The following MEGF6 variants were observed in gnomAD, a reference collection of about 807,000 sequenced individuals.
The protein encoded by MEGF6 is multiple EGF like domains 6, also known as multiple epidermal growth factor-like domains protein 6.
In MEGF6, 184 loss-of-function variants were observed where a neutral mutation model predicts 207.1. The ratio of observed to expected loss-of-function variants is 0.89; its 90% CI spans 0.79 to 1.00. The LOEUF is 1.00. Ranked by LOEUF, MEGF6 falls within the 50% of genes least tolerant of loss-of-function variation. The probability of loss-of-function intolerance (pLI) is 0.00; values close to 1 mark genes in which losing one functional copy is unlikely to be tolerated. For missense variants in MEGF6, 2,282 were observed against 2,202.9 expected, an observed-to-expected ratio of 1.04 and a Z score of -0.72; for synonymous variants, 1,038 against 910.0, an observed-to-expected ratio of 1.14 and a Z score of -2.53.
rs563080603 is a variant in MEGF6, at chr1:3,506,176, C to G, written c.1850G>C (p.Gly617Ala). The change falls in exon 15 of 37, where the codon GGC (glycine) becomes GCC (alanine). Residue 617 changes from glycine to alanine, a missense_variant. Physicochemically the swap from Gly to Ala is moderately conservative, Grantham distance 60 (BLOSUM62 0). Coordinates refer to ENST00000356575, the MANE Select transcript of MEGF6 (RefSeq NM_001409.4). ...GGCCCCGTAGAGGCGGTGGCACCGG[C>G]CCCGGTTGGCACAGTTGCATTTCTT... is the stretch of plus-strand genomic sequence containing the variant. Reference protein sequence around the residue: ...CRKKCNCANRGRCHRLYGACL... With the variant: ...CRKKCNCANRARCHRLYGACL... The G allele has an allele frequency of 4.4e-6, 7 of 1,597,922 alleles. No individual in the cohort carries two copies. Among genetic ancestry groups the G allele is most frequent in the Non-Finnish European group, 6.0e-6 (7 of 1,171,686 alleles).
chr1:3,515,594 GGCATGGA>G (rs1641514552), intron 5 of MEGF6, 67 bp from the exon 6 acceptor site: 1 of 1,573,008 alleles, frequency 6.4e-7, no homozygotes, highest in African/African-American at 1.3e-5. Context: ...GTCCCTGGCT[GGCATGGA>G]GCAGGGAGTG....
intron 4 of MEGF6, among the ~76,000 whole-genome samples, chr1:3,549,215 A>G (rs1006700706): frequency 6.6e-6 from 1 of 152,158 alleles, no homozygotes; most frequent in African/African-American, 2.4e-5. Context: ...CAAGGGCCGC[A>G]GGAGACCCTT....
rs1479935517 is a variant in MEGF6, at chr1:3,490,318, T to G, written c.*210A>C. The G allele has an allele frequency of 1.7e-6, 1 of 589,240 alleles. No homozygotes were observed. Among genetic ancestry groups the G allele is most frequent in the Non-Finnish European group, 2.9e-6 (1 of 341,136 alleles). The allele number at this position is 589,240 out of a possible 1,614,324, so 36.5% of individuals were successfully genotyped here. On this transcript the variant is annotated 3_prime_UTR_variant, in exon 37 of 37. Transcript: ENST00000356575. ...AGAGCCAGGCCAGGAGGCGCCTCTC[T>G]TCCAGCGGCCATGCGAGGCTTCCCT... is the stretch of plus-strand genomic sequence containing the variant.
chr1:3,624,779 C>G, the MEGF6 span: 5 of 192,964 alleles, frequency 2.6e-5, no homozygotes, highest in Non-Finnish European at 5.2e-5. Flanking sequence ...CGCCCCTTCT[C>G]GTTGTGTAAA....
upstream of MEGF6, among the ~76,000 whole-genome samples, chr1:3,613,467 G>A (rs1015055296): frequency 6.6e-6 from 1 of 152,208 alleles, no homozygotes; most frequent in Non-Finnish European, 1.5e-5. Context: ...TGGGTGGTCA[G>A]CAAGTGTGTG....
intron 4 of MEGF6, among the ~76,000 whole-genome samples, chr1:3,543,689 G>A (rs1055184517): frequency 6.6e-6 from 1 of 152,240 alleles, no homozygotes; most frequent in Non-Finnish European, 1.5e-5. Context: ...GGCTGGCCCC[G>A]GGTCATCCGG....
At chr1:3,543,569 C>A (rs188615050) in intron 4 of MEGF6, among the ~76,000 whole-genome samples, 1 of 152,178 alleles carries the variant, frequency 6.6e-6, no homozygotes, top group Non-Finnish European at 1.5e-5. Flanking sequence ...TGAGAACCCC[C>A]GGGCGGGAGG....
intron 4 of MEGF6, among the ~76,000 whole-genome samples, chr1:3,546,507 G>T (rs1231440947): frequency 6.6e-6 from 1 of 152,244 alleles, no homozygotes; most frequent in African/African-American, 2.4e-5. Context: ...CTGTGGGCCA[G>T]GAAGGAGGGT....
In MEGF6 at chr1:3,498,454, C is replaced by A. The variant is rs1468146408; in HGVS notation, c.3269G>T (p.Gly1090Val). The change falls in exon 26 of 37, where the codon GGT (glycine) becomes GTT (valine). Residue 1090 changes from glycine (G) to valine (V), a missense_variant. Physicochemically the swap from Gly to Val is moderately radical, Grantham distance 109. Transcript: ENST00000356575. ...GTCACACAGGCCCCCGTTGAGGCAACCGCCGCTGTGCCGGCAGCCAGCTCT... is the reference window on the plus strand; with the variant it reads ...GTCACACAGGCCCCCGTTGAGGCAAACGCCGCTGTGCCGGCAGCCAGCTCT... The part of the protein sequence containing the change: ...DVRAGCRHSG[G>V]CLNGGLCDPH... 3 of 1,583,180 alleles carry A rather than the reference C, an allele frequency of 1.9e-6. No individual in the cohort carries two copies. The African/African-American group carries it at 4.0e-5, about 21-fold the overall frequency.
intron 4 of MEGF6, among the ~76,000 whole-genome samples, chr1:3,561,558 A>C (rs1570140996): frequency 6.6e-6 from 1 of 152,300 alleles, no homozygotes; most frequent in South Asian, 2.1e-4. Flanking sequence ...TGCACCCCGC[A>C]GGGACAGAGT....
At position 3,498,480 on chromosome 1, in the gene MEGF6, G is replaced by A. The variant is rs1371706735; in HGVS notation, c.3243C>T (p.Val1081=). Residue 1081 remains valine (V), a synonymous_variant, in exon 26 of 37, where the codon GTC becomes GTT. Coordinates refer to ENST00000356575, the MANE Select transcript of MEGF6 (RefSeq NM_001409.4). ...ACEKECLPRD[V]RAGCRHSGGC... ...CGCCGCTGTGCCGGCAGCCAGCTCTGACGTCCCGGGGGAGGCACTCTACAG... is the reference window on the plus strand; with the variant it reads ...CGCCGCTGTGCCGGCAGCCAGCTCTAACGTCCCGGGGGAGGCACTCTACAG... 6.3e-7 allele frequency: 1 copy of A among 1,580,750 alleles called. No homozygotes were observed. Among genetic ancestry groups the A allele is most frequent in the Non-Finnish European group, 8.6e-7 (1 of 1,165,412 alleles).
intron 4 of MEGF6, among the ~76,000 whole-genome samples, chr1:3,547,851 G>C (rs1227709959): frequency 1.3e-5 from 2 of 152,212 alleles, no homozygotes; most frequent in African/African-American, 2.4e-5. Flanking sequence ...CCTGGGCAGA[G>C]GCAGCGTCAC....
chr1:3,523,200 C>T (rs372314657), intron 5 of MEGF6, among the ~76,000 whole-genome samples: 115 of 152,288 alleles, frequency 7.6e-4, no homozygotes, highest in African/African-American at 2.3e-3. Context: ...GGCGTCCTGA[C>T]GCCCATCACC....
At chr1:3,571,079 C>A (rs1471593434) in intron 4 of MEGF6, among the ~76,000 whole-genome samples, 1 of 152,172 alleles carries the variant, frequency 6.6e-6, no homozygotes, top group East Asian at 1.9e-4. Flanking sequence ...GCACAGACAG[C>A]CAACAGCCTG....
At chr1:3,518,388 C>A (rs993126683) in intron 5 of MEGF6, among the ~76,000 whole-genome samples, 1 of 152,142 alleles carries the variant, frequency 6.6e-6, no homozygotes, top group Non-Finnish European at 1.5e-5. Context: ...CAGCAGGAGG[C>A]GGCACCACCC....
At chr1:3,605,649 C>T (rs377445597) in intron 1 of MEGF6, among the ~76,000 whole-genome samples, 6 of 137,874 alleles carry the variant, frequency 4.4e-5, no homozygotes, top group Non-Finnish European at 6.6e-5. Context: ...TGTACTCTCA[C>T]GCATGCAAGC....
At chr1:3,540,262 G>T (rs112179772) in intron 4 of MEGF6, among the ~76,000 whole-genome samples, 9 of 152,196 alleles carry the variant, frequency 5.9e-5, no homozygotes, top group Admixed American at 2.0e-4. Context: ...CTTTTCACTC[G>T]CAGCGCCTCG....
At chr1:3,575,902 A>G (rs1643628122) in intron 4 of MEGF6, among the ~76,000 whole-genome samples, 1 of 152,202 alleles carries the variant, frequency 6.6e-6, no homozygotes, top group African/African-American at 2.4e-5. Flanking sequence ...TGTCCCTGCC[A>G]TGACCCCCAC....
At chr1:3,586,383 G>A (rs1463371179) in intron 3 of MEGF6, among the ~76,000 whole-genome samples, 9 of 152,320 alleles carry the variant, frequency 5.9e-5, no homozygotes, top group Middle Eastern at 3.4e-3. Context: ...ATGTGTGTGC[G>A]TATGCGTGTG....
Sources: gnomAD v4.1 joint callset for allele counts (sites outside exome capture counted in the v4.1 genomes callset) on GRCh38, gnomAD v4.1.1 for gene constraint, MANE v1.5 for transcripts, NCBI Gene and HGNC (gene_info 2026-07-23, HGNC 2026-07-21) for gene names.